Variants in LRRC15 observed in about 807,000 individuals in gnomAD.
LRRC15 encodes the protein leucine rich repeat containing 15, also known as leucine-rich repeat-containing protein 15.
LRRC15 carries 5 observed loss-of-function variants against 4.3 expected under a neutral mutation model. The observed-to-expected ratio is 1.16, with a 90% confidence interval of 0.61 to 2.44. The LOEUF (loss-of-function observed/expected upper bound fraction) is 2.44, where lower values mean the gene tolerates loss of function less well. Among genes scored for constraint, LRRC15 ranks in the 30% most tolerant of loss-of-function variants. LRRC15 has a pLI of 0.01. For synonymous variants in LRRC15, 337 were observed against 323.2 expected (o/e 1.04, Z -0.46); for missense variants, 769 against 747.0 (o/e 1.03, Z -0.34).
intron 1 of LRRC15, among the ~76,000 whole-genome samples, chr3:194,369,246 C>T (rs895855069): frequency 2.6e-5 from 4 of 152,234 alleles, no homozygotes; most frequent in South Asian, 2.1e-4. Flanking sequence ...ATGGCACAGG[C>T]GCAAATAATC....
Position 194,360,081 on chromosome 3 carries a change from G to A in LRRC15, c.963C>T (p.Val321=). 1.2e-6 allele frequency: 2 copies of A among 1,614,210 alleles called. No individual in the cohort carries two copies. The highest frequency in any genetic ancestry group is 1.7e-6 in the Non-Finnish European group (2 of 1,180,042). ...NVFSNLRQLQ[V]LILSRNQISF... ...TGATCTGATTGCGGCTAAGAATCAGGACCTGCAACTGGCGGAGGTTGCTGA... is the reference window on the plus strand; with the variant it reads ...TGATCTGATTGCGGCTAAGAATCAGAACCTGCAACTGGCGGAGGTTGCTGA... The change falls in exon 2 of 2, where the codon GTC becomes GTT. Residue 321 remains valine, a synonymous_variant. Transcript: ENST00000347624.
rs375418766 is a variant in LRRC15, at chr3:194,359,434, C to G, written c.1610G>C (p.Ser537Thr). The G allele has an allele frequency of 9.9e-6, 16 of 1,614,072 alleles. No homozygotes were observed. The African/African-American group carries it at 2.1e-4, about 22-fold the overall frequency. Residue 537 changes from serine to threonine, a missense_variant, in exon 2 of 2, where the codon AGC becomes ACC. Transcript: ENST00000347624. Reference protein sequence around the residue: ...RSVWGMTQAQSGLAIAAIVIG... With the variant: ...RSVWGMTQAQTGLAIAAIVIG... ...TACAATGGCGGCAATGGCCAGCCCG[C>G]TCTGGGCCTGGGTCATGCCCCAAAC...
At position 194,360,845 on chromosome 3, in the gene LRRC15, C is replaced by G; in HGVS notation, c.199G>C (p.Glu67Gln). ...TTGAGGAACGGGGACTCATTGAGTT[C>G]AGTGATGTGCGTGTTGAGGATCTGC... ...SLQILNTHIT[E>Q]LNESPFLNIS... The change falls in exon 2 of 2, where the codon GAA becomes CAA. Residue 67 changes from glutamate to glutamine, a missense_variant. By Grantham distance (29) the Glu-to-Gln change is conservative (BLOSUM62 2). Coordinates refer to ENST00000347624, the MANE Select transcript of LRRC15 (RefSeq NM_130830.5). 1 of 1,612,880 alleles carries G rather than the reference C, an allele frequency of 6.2e-7. No individual in the cohort carries two copies.
intron 1 of LRRC15, among the ~76,000 whole-genome samples, chr3:194,361,337 T>C (rs1196816050): frequency 1.3e-5 from 2 of 152,224 alleles, no homozygotes; most frequent in Admixed American, 6.5e-5. Flanking sequence ...TTAGGACACT[T>C]CCCAGATTCC....
Position 194,355,440 on chromosome 3 carries a change from T to A in LRRC15, c.*3858A>T, listed in dbSNP as rs1417857458. The stretch of plus-strand genomic sequence containing the variant: ...AATTCTCTAAGCAAGGCAAACATGA[T>A]CTAGCTTTGAAGGCAGCATGAAGGC... On this transcript the variant is annotated 3_prime_UTR_variant, in exon 2 of 2. Transcript: ENST00000347624. 1 of 152,226 alleles carries A rather than the reference T, an allele frequency of 6.6e-6. No homozygotes were observed. The highest frequency in any genetic ancestry group is 1.5e-5 in the Non-Finnish European group (1 of 68,038). The allele number at this position is 152,226 out of a possible 1,614,324, so 9.4% of individuals were successfully genotyped here.
intron 1 of LRRC15, among the ~76,000 whole-genome samples, chr3:194,367,383 T>A (rs763518776): frequency 6.6e-6 from 1 of 152,182 alleles, no homozygotes; most frequent in Non-Finnish European, 1.5e-5. Flanking sequence ...TCTCTGCTAC[T>A]GCAAGCTCTG....
chr3:194,359,393 G>A lies in LRRC15; in HGVS notation c.1651C>T (p.Leu551=), dbSNP rs1309506951. The change falls in exon 2 of 2, where the codon CTG becomes TTG. Residue 551 remains leucine (L), a synonymous_variant. Transcript: ENST00000347624. ...IAAIVIGIVA[L]ACSLAACVGC... is the part of the protein sequence containing the mutation. ...ACGCAGGCAGCCAGGGAGCAGGCCA[G>A]GGCGACAATGCCAATTACAATGGCG... 1.2e-6 allele frequency: 2 copies of A among 1,614,080 alleles called. No individual in the cohort carries two copies. The highest frequency in any genetic ancestry group is 8.5e-7 in the Non-Finnish European group (1 of 1,180,046).
In LRRC15 at chr3:194,358,870, A is replaced by C. The variant is rs1213577842; in HGVS notation, c.*428T>G. ...GAAACAAAAGAAGGGAAATCAACTT[A>C]CATAATACTTAGGCGAGAGGGGCTA... On this transcript the variant is annotated 3_prime_UTR_variant, in exon 2 of 2. Coordinates refer to ENST00000347624, the MANE Select transcript of LRRC15 (RefSeq NM_130830.5). 6.2e-6 allele frequency: 1 copy of C among 161,236 alleles called. No homozygotes were observed. The highest frequency in any genetic ancestry group is 1.4e-5 in the Non-Finnish European group (1 of 73,184). The allele number at this position is 161,236 out of a possible 1,614,324, so 10.0% of individuals were successfully genotyped here. A position where few individuals can be genotyped will look rare whatever the true frequency, so the allele number is the denominator to read the frequency against.
At chr3:194,361,761 G>C (rs1343062842) in intron 1 of LRRC15, among the ~76,000 whole-genome samples, 5 of 152,102 alleles carry the variant, frequency 3.3e-5, no homozygotes, top group Non-Finnish European at 7.4e-5. Flanking sequence ...CCCTCGCCTG[G>C]GCCTGCCCTG....
chr3:194,356,409 G>A lies in LRRC15; in HGVS notation c.*2889C>T, dbSNP rs770902386. 5 of 152,210 alleles carry A rather than the reference G, an allele frequency of 3.3e-5. No homozygotes were observed. Among genetic ancestry groups the A allele is most frequent in the African/African-American group, 7.2e-5 (3 of 41,438 alleles). The allele number at this position is 152,210 out of a possible 1,614,324, so 9.4% of individuals were successfully genotyped here. On this transcript the variant is annotated 3_prime_UTR_variant, in exon 2 of 2. Coordinates refer to ENST00000347624, the MANE Select transcript of LRRC15 (RefSeq NM_130830.5). ...ACTCCAGCTTTCTGGGGGACCAGCCGGCTCATTCCAGCCCTGAGAATTGAG... is the reference window on the plus strand; with the variant it reads ...ACTCCAGCTTTCTGGGGGACCAGCCAGCTCATTCCAGCCCTGAGAATTGAG...
intron 1 of LRRC15, among the ~76,000 whole-genome samples, chr3:194,368,343 G>C (rs6762356): frequency 0.012 from 1,771 of 152,168 alleles, 44 homozygotes; most frequent in African/African-American, 0.041. Context: ...AGCGAGCTAA[G>C]GGAGTGTTCC....
chr3:194,365,309 C>T (rs1350418368), intron 1 of LRRC15, among the ~76,000 whole-genome samples: 2 of 151,922 alleles, frequency 1.3e-5, no homozygotes, highest in Non-Finnish European at 2.9e-5. Flanking sequence ...CCAGGGCTCT[C>T]GGCTTTGGGT....
chr3:194,368,860 G>A (rs1439729482), intron 1 of LRRC15, among the ~76,000 whole-genome samples: 2 of 152,158 alleles, frequency 1.3e-5, no homozygotes, highest in African/African-American at 4.8e-5. Flanking sequence ...CAGAGACACG[G>A]GTCAAGGTGC....
intron 1 of LRRC15, among the ~76,000 whole-genome samples, chr3:194,366,932 A>G (rs1713796493): frequency 6.6e-6 from 1 of 152,068 alleles, no homozygotes. Flanking sequence ...CCTGAGCCTC[A>G]TCACCGGGAT....
rs1352284222 is a variant in LRRC15, at chr3:194,355,366, G to A, written c.*3932C>T. Reference sequence around the variant, plus strand: ...GCTCACACTCTACAAAACCCTGAGGGCCTAGAAATCTGTAAATGCATCGCC... The same window carrying A: ...GCTCACACTCTACAAAACCCTGAGGACCTAGAAATCTGTAAATGCATCGCC... On this transcript the variant is annotated 3_prime_UTR_variant, in exon 2 of 2. Transcript: ENST00000347624. 6.6e-6 allele frequency: 1 copy of A among 152,214 alleles called. No individual in the cohort carries two copies. Among genetic ancestry groups the A allele is most frequent in the Non-Finnish European group, 1.5e-5 (1 of 68,044 alleles). 9.4% of individuals were successfully genotyped at this position (152,214 alleles called of 1,614,324 possible). A position where few individuals can be genotyped will look rare whatever the true frequency, so the allele number is the denominator to read the frequency against.
intron 1 of LRRC15, 33 bp from the exon 2 acceptor site, chr3:194,361,079 G>C: frequency 6.8e-7 from 1 of 1,474,472 alleles, no homozygotes; most frequent in Non-Finnish European, 8.9e-7. Context: ...CGTTAGTCAG[G>C]GTCCTCTACC....
intron 1 of LRRC15, among the ~76,000 whole-genome samples, chr3:194,364,403 T>C (rs1250667557): frequency 6.6e-6 from 1 of 152,198 alleles, no homozygotes; most frequent in African/African-American, 2.4e-5. Context: ...TTATATTTAA[T>C]GTACACTCAT....
intron 1 of LRRC15, among the ~76,000 whole-genome samples, chr3:194,365,764 C>T (rs56896662): frequency 0.14 from 21,692 of 152,188 alleles, 1,951 homozygotes; most frequent in African/African-American, 0.25. Flanking sequence ...GAACTCATGC[C>T]CATCTTTTCA....
At chr3:194,362,878 A>T (rs1713669024) in intron 1 of LRRC15, among the ~76,000 whole-genome samples, 1 of 149,462 alleles carries the variant, frequency 6.7e-6, no homozygotes, top group Non-Finnish European at 1.5e-5. Context: ...CTGCCCCCTC[A>T]ACAAGCTTAC....
Sources: gnomAD v4.1 joint callset for allele counts (sites outside exome capture counted in the v4.1 genomes callset) on GRCh38, gnomAD v4.1.1 for gene constraint, MANE v1.5 for transcripts, NCBI Gene and HGNC (gene_info 2026-07-23, HGNC 2026-07-21) for gene names.